Variants in MAB21L4 observed in about 807,000 individuals in gnomAD.
MAB21L4 encodes the protein protein mab-21-like 4.
Under a neutral mutation model 32.4 loss-of-function variants are expected in MAB21L4, and 25 were observed. That is an observed-to-expected ratio of 0.77 (90% CI 0.56 to 1.08). The LOEUF (loss-of-function observed/expected upper bound fraction) is 1.08. Ranked by LOEUF, MAB21L4 falls within the 50% of genes least tolerant of loss-of-function variation. MAB21L4 has a pLI of 0.00. For missense variants in MAB21L4, 638 were observed against 611.0 expected, an observed-to-expected ratio of 1.04 and a Z score of -0.47; for synonymous variants, 280 against 276.8, an observed-to-expected ratio of 1.01 and a Z score of -0.11.
rs529352392 is a variant in MAB21L4, at chr2:240,890,059, G to A, written c.840C>T (p.His280=). 21 of 1,613,474 alleles carry A rather than the reference G, an allele frequency of 1.3e-5. No individual in the cohort carries two copies. Among genetic ancestry groups the A allele is most frequent in the South Asian group, 8.8e-5 (8 of 91,064 alleles). Reference sequence around the variant, plus strand: ...TCTGGCCACTGTCACGCCAGCTCTCGTGGTTGACCCGGTCGAGGATGGAGA... The same window carrying A: ...TCTGGCCACTGTCACGCCAGCTCTCATGGTTGACCCGGTCGAGGATGGAGA... ...DSLSILDRVN[H]ESWRDSGQTD... The change falls in exon 3 of 5, where the codon CAC becomes CAT. Residue 280 remains histidine, a synonymous_variant. Coordinates refer to ENST00000388934, the MANE Select transcript of MAB21L4 (RefSeq NM_001085437.3).
chr2:240,887,109 G>A lies in MAB21L4; in HGVS notation c.1305C>T (p.Ile435=), dbSNP rs1230582630. 1.9e-6 allele frequency: 3 copies of A among 1,614,202 alleles called. No homozygotes were observed. The highest frequency in any genetic ancestry group is 1.7e-5 in the Admixed American group (1 of 60,030). Residue 435 remains isoleucine (I), a synonymous_variant, in exon 5 of 5, where the codon ATC becomes ATT. Transcript: ENST00000388934. ...CTCCCAGAGTCCTGGTCTTCTGGAA[G>A]ATGCTCTGCATGGCAGAGATCCGGT... The part of the protein sequence containing the change: ...DKDRISAMQS[I]FQKTRTLGGE...
At chr2:240,896,790 G>C (rs969745495), upstream of MAB21L4, 1 of 78,066 alleles carries the variant, frequency 1.3e-5, no homozygotes, top group Admixed American at 2.0e-4. Flanking sequence ...CCTCCAACCT[G>C]AGAGGAGCTG....
chr2:240,895,358 G>A, intron 1 of MAB21L4, 126 bp downstream of exon 1: 2 of 929,964 alleles, frequency 2.2e-6, no homozygotes, highest in Non-Finnish European at 3.2e-6. Flanking sequence ...ACAGAAGACA[G>A]TCGCCACCCT....
chr2:240,887,971 G>A (rs1213736922), intron 4 of MAB21L4, among the ~76,000 whole-genome samples: 10 of 152,186 alleles, frequency 6.6e-5, no homozygotes, highest in Non-Finnish European at 1.5e-4. Context: ...CTCCAGGGTG[G>A]GCAGCTGGGG....
chr2:240,896,161 C>A, upstream of MAB21L4: 1 of 1,327,596 alleles, frequency 7.5e-7, no homozygotes, highest in South Asian at 2.5e-5. Context: ...CACAGTGTGG[C>A]AGGTGAAATA....
chr2:240,891,519 A>T lies in MAB21L4; in HGVS notation c.740+19T>A. On this transcript the variant is annotated intron_variant, in intron 2 of 4. Coordinates refer to ENST00000388934, the MANE Select transcript of MAB21L4 (RefSeq NM_001085437.3). ...CTGCCCCCTCCCCAAGAACCTTGTG[A>T]CCAGGAGGGTGCGCCTACCTCCAGA... 6.3e-7 allele frequency: 1 copy of T among 1,586,686 alleles called. No homozygotes were observed. Among genetic ancestry groups the T allele is most frequent in the Non-Finnish European group, 8.6e-7 (1 of 1,164,256 alleles).
In MAB21L4 at chr2:240,890,177, C is replaced by A; in HGVS notation, c.741-19G>T. On this transcript the variant is annotated intron_variant, in intron 2 of 4. Transcript: ENST00000388934. The stretch of plus-strand genomic sequence containing the variant: ...GGAGGTCCTGGGGCCCAGACAGACG[C>A]ACTGGGTCAGCCCCCGCCGCTGTTG... 1 of 1,580,348 alleles carries A rather than the reference C, an allele frequency of 6.3e-7. No individual in the cohort carries two copies. Among genetic ancestry groups the A allele is most frequent in the Non-Finnish European group, 8.6e-7 (1 of 1,159,086 alleles).
At chr2:240,889,757 G>A (rs930954819) in intron 3 of MAB21L4, among the ~76,000 whole-genome samples, 1 of 152,218 alleles carries the variant, frequency 6.6e-6, no homozygotes, top group African/African-American at 2.4e-5. Context: ...GAGGGCCTCC[G>A]AGGTCACGGC....
rs2059102697 is a variant in MAB21L4, at chr2:240,887,151, G to A, written c.1263C>T (p.Phe421=). 1.2e-6 allele frequency: 2 copies of A among 1,614,040 alleles called. No homozygotes were observed. The highest frequency in any genetic ancestry group is 4.5e-5 in the East Asian group (2 of 44,886). ...FDVLLDKFQV[F]NIQDKDRISA... is the part of the protein sequence containing the mutation. ...AGATCCGGTCCTTATCCTGGATGTT[G>A]AAGACCTGGAACTACAGGCAGGGTT... Residue 421 remains phenylalanine (F), a synonymous_variant, in exon 5 of 5, where the codon TTC becomes TTT. Transcript: ENST00000388934.
intron 1 of MAB21L4, chr2:240,892,121 C>G (rs2059155977): frequency 7.7e-7 from 1 of 1,298,678 alleles, no homozygotes; most frequent in Admixed American, 3.1e-5. Flanking sequence ...CTGTGCCTTC[C>G]CAGGCCTTCC....
In MAB21L4 at chr2:240,895,619, C is replaced by A. The variant is rs748211742; in HGVS notation, c.379G>T (p.Asp127Tyr). 1.2e-6 allele frequency: 2 copies of A among 1,612,940 alleles called. No homozygotes were observed. The highest frequency in any genetic ancestry group is 2.2e-5 in the East Asian group (1 of 44,874). ...CCCTCCGAGGAGGCAGTGAAGGTAT[C>A]CTCGGTGGTCCACCGCTCCAGGCCA... is the stretch of plus-strand genomic sequence containing the variant. ...GAGLERWTTE[D>Y]TFTASSEGDA... The change falls in exon 1 of 5, where the codon GAT becomes TAT. Residue 127 changes from aspartate to tyrosine, a missense_variant. Transcript: ENST00000388934.
At chr2:240,895,191 T>A (rs2059177707) in intron 1 of MAB21L4, among the ~76,000 whole-genome samples, 3 of 152,198 alleles carry the variant, frequency 2.0e-5, no homozygotes. Context: ...GGAACCCCCG[T>A]GCAAACACAC....
chr2:240,889,849 T>A (rs950667555), intron 3 of MAB21L4, among the ~76,000 whole-genome samples, 156 bp downstream of exon 3: 6 of 152,120 alleles, frequency 3.9e-5, no homozygotes, highest in African/African-American at 1.4e-4. Context: ...CGGCCTCACC[T>A]CCTCAGAACC....
upstream of MAB21L4, chr2:240,896,178 C>A: frequency 7.7e-7 from 1 of 1,305,736 alleles, no homozygotes; most frequent in Non-Finnish European, 9.7e-7. Context: ...AATAGCTGAA[C>A]TATTTAAGGC....
chr2:240,895,282 C>T (rs887985740), intron 1 of MAB21L4, among the ~76,000 whole-genome samples: 1 of 152,224 alleles, frequency 6.6e-6, no homozygotes, highest in Non-Finnish European at 1.5e-5. Flanking sequence ...CTTCTGTGCC[C>T]CAACACACTG....
chr2:240,894,294 G>A (rs971241789), intron 1 of MAB21L4, among the ~76,000 whole-genome samples: 2 of 152,100 alleles, frequency 1.3e-5, no homozygotes, highest in Non-Finnish European at 2.9e-5. Flanking sequence ...AAAGCCCTGT[G>A]AGGACTGTGG....
intron 3 of MAB21L4, among the ~76,000 whole-genome samples, 173 bp from the exon 4 acceptor site, chr2:240,888,821 G>A (rs1343280833): frequency 8.7e-6 from 1 of 115,194 alleles, no homozygotes; most frequent in Non-Finnish European, 1.8e-5. Context: ...CCTCCCACCC[G>A]CTGCCCCCAG....
rs574194567 is a variant in MAB21L4, at chr2:240,890,175, C to T, written c.741-17G>A. On this transcript the variant is annotated splice_polypyrimidine_tract_variant and intron_variant, in intron 2 of 4. Coordinates refer to ENST00000388934, the MANE Select transcript of MAB21L4 (RefSeq NM_001085437.3). Reference sequence around the variant, plus strand: ...GTGGAGGTCCTGGGGCCCAGACAGACGCACTGGGTCAGCCCCCGCCGCTGT... The same window carrying T: ...GTGGAGGTCCTGGGGCCCAGACAGATGCACTGGGTCAGCCCCCGCCGCTGT... 4.7e-5 allele frequency: 75 copies of T among 1,581,300 alleles called. No homozygotes were observed. In the Admixed American group the frequency reaches 4.8e-4, roughly 10 times the overall value.
chr2:240,892,156 C>T, intron 1 of MAB21L4: 1 of 956,868 alleles, frequency 1.0e-6, no homozygotes, highest in South Asian at 2.2e-5. Context: ...CTGCCCCAGC[C>T]CTGGGGCCAA....
Sources: allele counts gnomAD v4.1 joint callset (sites outside exome capture counted in the v4.1 genomes callset), GRCh38; gene constraint gnomAD v4.1.1; transcripts MANE v1.5; gene names NCBI Gene and HGNC (gene_info 2026-07-23, HGNC 2026-07-21).